RB1: variants seen among roughly 807,000 people sequenced by gnomAD.
RB1 encodes RB transcriptional corepressor 1.
RB1 carries 18 observed loss-of-function variants against 135.4 expected under a neutral mutation model. The observed-to-expected ratio is 0.13, with a 90% confidence interval of 0.09 to 0.20. RB1 has a LOEUF of 0.20. Ranked by LOEUF, RB1 falls within the 10% of genes least tolerant of loss-of-function variation. RB1 has a pLI of 1.00. For missense variants in RB1, 868 were observed against 1,110.0 expected, an observed-to-expected ratio of 0.78 and a Z score of 3.10; for synonymous variants, 365 against 373.2, an observed-to-expected ratio of 0.98 and a Z score of 0.25.
intron 6 of RB1, among the ~76,000 whole-genome samples, chr13:48,351,287 G>A (rs1952545011): frequency 6.6e-6 from 1 of 152,154 alleles, no homozygotes; most frequent in African/African-American, 2.4e-5. Context: ...TGACTGGTGT[G>A]AGATGATATC....
At chr13:48,317,215 G>T in intron 2 of RB1, 1 of 442,660 alleles carries the variant, frequency 2.3e-6, no homozygotes, top group Non-Finnish European at 3.8e-6. Flanking sequence ...TGGCCTGCCT[G>T]CCCCCCTGGG....
chr13:48,392,530 G>A (rs1184055714), intron 17 of RB1, among the ~76,000 whole-genome samples: 4 of 151,902 alleles, frequency 2.6e-5, no homozygotes, highest in African/African-American at 9.7e-5. Context: ...TATCTAATCT[G>A]CTATTAATCT....
At chr13:48,328,689 CAGTCAAG>C (rs1375239656) in intron 2 of RB1, 1 of 467,322 alleles carries the variant, frequency 2.1e-6, no homozygotes, top group East Asian at 4.3e-5. Context: ...CAGCTCCCAG[CAGTCAAG>C]AGTCAAGCCC....
At chr13:48,380,023 C>A in intron 14 of RB1, 30 bp from the exon 15 acceptor site, 5 of 770,638 alleles carry the variant, frequency 6.5e-6, no homozygotes, top group Non-Finnish European at 9.1e-6. Flanking sequence ...TAAACAACTT[C>A]TTTTTTTTTT....
At chr13:48,456,810 C>T (rs763797279) in intron 19 of RB1, among the ~76,000 whole-genome samples, 4 of 152,238 alleles carry the variant, frequency 2.6e-5, no homozygotes, top group Non-Finnish European at 5.9e-5. Flanking sequence ...TGTGAGGCTG[C>T]ACCTGGACCA....
intron 20 of RB1, 118 bp downstream of exon 20, chr13:48,459,951 TTTTC>T (rs1311973537): frequency 2.5e-6 from 1 of 397,932 alleles, no homozygotes; most frequent in Non-Finnish European, 4.1e-6. Context: ...CTTTCTTTCT[TTTTC>T]TTTCTTTCTT....
chr13:48,307,474 A>T (rs2138034827), intron 2 of RB1, 68 bp downstream of exon 2: 2 of 1,451,950 alleles, frequency 1.4e-6, no homozygotes, highest in South Asian at 1.2e-5. Context: ...AAATCACTAT[A>T]CAAAAATTGA....
intron 17 of RB1, among the ~76,000 whole-genome samples, chr13:48,449,185 G>C (rs1273475934): frequency 6.7e-6 from 1 of 148,418 alleles, no homozygotes; most frequent in East Asian, 2.1e-4. Context: ...TTGTTATTTT[G>C]TTTTGGCATA....
At chr13:48,462,284 G>A (rs1042923852) in intron 20 of RB1, among the ~76,000 whole-genome samples, 2 of 151,694 alleles carry the variant, frequency 1.3e-5, no homozygotes, top group African/African-American at 2.4e-5. Context: ...CCACCACGCC[G>A]AGCTAATTTT....
At chr13:48,396,537 A>C (rs1465735700) in intron 17 of RB1, among the ~76,000 whole-genome samples, 1 of 152,228 alleles carries the variant, frequency 6.6e-6, no homozygotes. Context: ...CTAAAACCAT[A>C]AAAACCCTAG....
chr13:48,335,986 AAG>A (rs1360136003), intron 2 of RB1, among the ~76,000 whole-genome samples: 1 of 152,002 alleles, frequency 6.6e-6, no homozygotes, highest in Non-Finnish European at 1.5e-5. Flanking sequence ...GTGAGAGGAA[AAG>A]AGAAGAGAAT....
At position 48,362,906 on chromosome 13, in the gene RB1, T is replaced by G. The variant is rs1555284937; in HGVS notation, c.810T>G (p.Asp270Glu). Residue 270 changes from aspartate (D) to glutamate (E), a missense_variant, in exon 8 of 27, where the codon GAT becomes GAG. Asp to Glu is a conservative substitution (Grantham distance 45). Coordinates refer to ENST00000267163, the MANE Select transcript of RB1 (RefSeq NM_000321.3). ...SARIAKQLENDTRIIEVLCKE... is the reference protein window; with the variant it reads ...SARIAKQLENETRIIEVLCKE... The stretch of plus-strand genomic sequence containing the variant: ...GGATAGCAAAACAACTAGAAAATGA[T>G]ACAAGAATTATTGAAGTTCTCTGTA... 6.2e-7 allele frequency: 1 copy of G among 1,613,854 alleles called. No homozygotes were observed.
intron 17 of RB1, among the ~76,000 whole-genome samples, chr13:48,408,320 C>T (rs1009624414): frequency 6.6e-6 from 1 of 151,708 alleles, no homozygotes; most frequent in Non-Finnish European, 1.5e-5. Flanking sequence ...TTGATATTTT[C>T]TCAGTAAAGA....
At chr13:48,475,833 C>T (rs537441332) in intron 24 of RB1, among the ~76,000 whole-genome samples, 2 of 152,248 alleles carry the variant, frequency 1.3e-5, no homozygotes, top group South Asian at 2.1e-4. Flanking sequence ...AAATAGTTCA[C>T]GATGGGCTCA....
chr13:48,343,042 C>T (rs536818914), intron 3 of RB1, among the ~76,000 whole-genome samples: 2 of 152,010 alleles, frequency 1.3e-5, no homozygotes, highest in Admixed American at 1.3e-4. Context: ...ATATTAAAAC[C>T]TTTATATAAG....
intron 2 of RB1, among the ~76,000 whole-genome samples, chr13:48,326,356 T>C (rs1952287353): frequency 2.0e-5 from 3 of 152,110 alleles, no homozygotes; most frequent in Admixed American, 1.3e-4. Context: ...TTTGGTCTTG[T>C]TTTTTGTTTG....
At chr13:48,452,021 A>C (rs1949330785) in intron 17 of RB1, among the ~76,000 whole-genome samples, 1 of 151,574 alleles carries the variant, frequency 6.6e-6, no homozygotes, top group Non-Finnish European at 1.5e-5. Context: ...ATATTAGTCT[A>C]GCTAGTGGTC....
intron 17 of RB1, among the ~76,000 whole-genome samples, chr13:48,420,846 C>A (rs1348721906): frequency 3.3e-5 from 5 of 152,116 alleles, no homozygotes; most frequent in African/African-American, 1.2e-4. Context: ...TGAAGGACAT[C>A]TTCAAGAACT....
intron 17 of RB1, among the ~76,000 whole-genome samples, chr13:48,434,546 G>A (rs1356425274): frequency 6.6e-6 from 1 of 152,060 alleles, no homozygotes. Context: ...AAAACACCCT[G>A]GCCCAGGAAG....
Sources: allele counts gnomAD v4.1 joint callset (sites outside exome capture counted in the v4.1 genomes callset), GRCh38; gene constraint gnomAD v4.1.1; transcripts MANE v1.5; gene names NCBI Gene and HGNC (gene_info 2026-07-23, HGNC 2026-07-21).